DYTN: variants seen among roughly 807,000 people sequenced by gnomAD.
DYTN encodes the protein dystrotelin.
Under a neutral mutation model 69.6 loss-of-function variants are expected in DYTN, and 75 were observed. The observed-to-expected ratio is 1.08, with a 90% CI of 0.89 to 1.31. The LOEUF (loss-of-function observed/expected upper bound fraction) is 1.31. Among genes scored for constraint, DYTN ranks in the 50% most tolerant of loss-of-function variants. The probability of loss-of-function intolerance (pLI) is 0.00; values close to 1 mark genes in which losing one functional copy is unlikely to be tolerated. For missense variants in DYTN, 726 were observed against 688.4 expected (o/e 1.05, Z -0.61); for synonymous variants, 252 against 249.1 (o/e 1.01, Z -0.11).
At chr2:206,698,543 C>T (rs1474138568) in intron 7 of DYTN, among the ~76,000 whole-genome samples, 1 of 152,158 alleles carries the variant, frequency 6.6e-6, no homozygotes, top group Non-Finnish European at 1.5e-5. Flanking sequence ...TTTAGTCTTC[C>T]CACATCCCCA....
intron 9 of DYTN, chr2:206,678,874 AAAG>A (rs1435742165): frequency 8.5e-4 from 129 of 152,330 alleles, no homozygotes; most frequent in African/African-American, 3.1e-3. Flanking sequence ...TTATTCAATA[AAAG>A]AAGGTTTTAG....
chr2:206,685,986 G>GAA (rs34711985), intron 9 of DYTN, among the ~76,000 whole-genome samples: 11,229 of 137,772 alleles, frequency 0.082, 692 homozygotes, highest in East Asian at 0.21. Context: ...ATAGAGTGCG[G>GAA]AAAAAAAAAA....
chr2:206,673,140 T>A (rs1013475326), intron 9 of DYTN, among the ~76,000 whole-genome samples: 4 of 152,232 alleles, frequency 2.6e-5, no homozygotes, highest in Admixed American at 2.6e-4. Flanking sequence ...CAACCATGTG[T>A]TCTCATCATT....
intron 9 of DYTN, among the ~76,000 whole-genome samples, chr2:206,676,548 G>A (rs182093932): frequency 1.7e-3 from 263 of 152,072 alleles, no homozygotes; most frequent in Admixed American, 0.014. Flanking sequence ...ATATCTGCAC[G>A]TTCAACACAT....
intron 10 of DYTN, among the ~76,000 whole-genome samples, chr2:206,664,569 G>C (rs982923256): frequency 4.6e-5 from 7 of 152,134 alleles, no homozygotes; most frequent in Non-Finnish European, 7.4e-5. Context: ...GTTGAGGCGG[G>C]AGGATTGCTT....
chr2:206,713,201 C>G (rs570229154), intron 1 of DYTN, among the ~76,000 whole-genome samples: 8 of 152,212 alleles, frequency 5.3e-5, no homozygotes, highest in African/African-American at 1.9e-4. Flanking sequence ...CTACATCAAG[C>G]TAATTAACAT....
At chr2:206,705,333 G>A (rs1320721653) in intron 4 of DYTN, among the ~76,000 whole-genome samples, 1 of 152,104 alleles carries the variant, frequency 6.6e-6, no homozygotes, top group Non-Finnish European at 1.5e-5. Context: ...CCCAACCTCA[G>A]GTGATCCGCC....
At chr2:206,660,212 C>T (rs1024188762) in intron 11 of DYTN, among the ~76,000 whole-genome samples, 85 of 152,124 alleles carry the variant, frequency 5.6e-4, no homozygotes, top group African/African-American at 1.8e-3. Context: ...ATTATTGCAT[C>T]AACTGAATTT....
intron 11 of DYTN, among the ~76,000 whole-genome samples, chr2:206,656,168 T>C (rs1699445938): frequency 6.6e-6 from 1 of 152,196 alleles, no homozygotes; most frequent in African/African-American, 2.4e-5. Context: ...GCTCTGATGT[T>C]TGGTGTATAT....
At chr2:206,703,493 C>T (rs866814679) in intron 5 of DYTN, among the ~76,000 whole-genome samples, 22 of 151,912 alleles carry the variant, frequency 1.4e-4, no homozygotes, top group South Asian at 2.1e-4. Context: ...AGTATCTATG[C>T]CTGATATTCT....
At chr2:206,667,701 T>C (rs1046380992) in intron 9 of DYTN, among the ~76,000 whole-genome samples, 73 of 132,272 alleles carry the variant, frequency 5.5e-4, no homozygotes, top group Middle Eastern at 7.7e-3. Context: ...CGTGTGCGTG[T>C]GTGTGTGTGT....
In DYTN at chr2:206,717,079, A is replaced by ACACACACACACACACAC. The variant is rs1194032966; in HGVS notation, c.19+1181_19+1182insGTGTGTGTGTGTGTGTG. ...ACACACACACACACACACACACACA[A>ACACACACACACACACAC]AACAAACTCAAGAAAGGAAGAAACT... On this transcript the variant is annotated intron_variant, in intron 1 of 11. Coordinates refer to ENST00000452335, the MANE Select transcript of DYTN (RefSeq NM_001093730.1). 8.7e-3 allele frequency among the ~76,000 whole-genome samples: 1,187 copies of ACACACACACACACACAC among 137,176 alleles called. 8 individuals carry two copies. The highest frequency in any genetic ancestry group is 0.031 in the East Asian group (133 of 4,316). 90.0% of individuals were successfully genotyped at this position (137,176 alleles called of 152,430 possible).
At chr2:206,715,059 C>T (rs1438410546) in intron 1 of DYTN, among the ~76,000 whole-genome samples, 1 of 151,894 alleles carries the variant, frequency 6.6e-6, no homozygotes, top group East Asian at 1.9e-4. Context: ...AGGCAGAGAA[C>T]ACAGACTGGG....
chr2:206,679,819 A>T (rs1699730513), intron 9 of DYTN, among the ~76,000 whole-genome samples: 1 of 152,204 alleles, frequency 6.6e-6, no homozygotes, highest in South Asian at 2.1e-4. Flanking sequence ...ATTTTGGGGT[A>T]GAAGAATAGG....
intron 11 of DYTN, among the ~76,000 whole-genome samples, chr2:206,654,452 T>C (rs1699424024): frequency 6.6e-6 from 1 of 152,240 alleles, no homozygotes; most frequent in African/African-American, 2.4e-5. Flanking sequence ...TTCTTTTTTC[T>C]AGCTTACTTT....
chr2:206,653,308 A>G (rs1041968136), intron 11 of DYTN, among the ~76,000 whole-genome samples: 2 of 152,214 alleles, frequency 1.3e-5, no homozygotes, highest in African/African-American at 2.4e-5. Context: ...TTTCAGCTTT[A>G]GTCTCTTGAA....
chr2:206,701,685 A>G (rs904918423), intron 5 of DYTN, among the ~76,000 whole-genome samples: 3 of 152,118 alleles, frequency 2.0e-5, no homozygotes, highest in African/African-American at 7.2e-5. Flanking sequence ...CAGTTATAAG[A>G]TTTATAAATT....
intron 9 of DYTN, among the ~76,000 whole-genome samples, chr2:206,673,728 A>G (rs995793701): frequency 3.3e-5 from 5 of 152,222 alleles, no homozygotes; most frequent in East Asian, 1.9e-4. Flanking sequence ...AATGCAACCT[A>G]TCTTAGAAAT....
chr2:206,717,731 A>G (rs79761690), intron 1 of DYTN, among the ~76,000 whole-genome samples: 26,118 of 152,092 alleles, frequency 0.17, 2,320 homozygotes, highest in South Asian at 0.29. Context: ...GTAAGGCTCC[A>G]AACAGATCTA....
Sources: gnomAD v4.1 joint callset for allele counts (sites outside exome capture counted in the v4.1 genomes callset) on GRCh38, gnomAD v4.1.1 for gene constraint, MANE v1.5 for transcripts, NCBI Gene and HGNC (gene_info 2026-07-23, HGNC 2026-07-21) for gene names.